ABCA12: variants seen among roughly 807,000 people sequenced by gnomAD.
The protein encoded by ABCA12 is ATP binding cassette subfamily A member 12.
Under a neutral mutation model 293.5 loss-of-function variants are expected in ABCA12, and 156 were observed. That is an observed-to-expected ratio of 0.53 (90% CI 0.47 to 0.61). The LOEUF is 0.61. ABCA12 is among the 20% of genes least tolerant of loss of function. The probability of loss-of-function intolerance (pLI) is 0.00; values close to 1 mark genes in which losing one functional copy is unlikely to be tolerated. For synonymous variants in ABCA12, 1,063 were observed against 1,108.0 expected, an observed-to-expected ratio of 0.96 and a Z score of 0.81; for missense variants, 2,797 against 3,090.2, an observed-to-expected ratio of 0.91 and a Z score of 2.25.
intron 36 of ABCA12, among the ~76,000 whole-genome samples, chr2:214,972,099 C>G (rs990995226): frequency 6.6e-6 from 1 of 151,970 alleles, no homozygotes; most frequent in African/African-American, 2.4e-5. Flanking sequence ...TTATCTTTTT[C>G]TCATTGATTT....
intron 22 of ABCA12, among the ~76,000 whole-genome samples, chr2:215,000,023 A>T (rs2105987964): frequency 6.6e-6 from 1 of 152,280 alleles, no homozygotes; most frequent in Non-Finnish European, 1.5e-5. Context: ...TGAAAACCAT[A>T]ATCTGCTTAT....
At chr2:215,089,197 A>C (rs2970949) in intron 2 of ABCA12, among the ~76,000 whole-genome samples, 12 of 149,516 alleles carry the variant, frequency 8.0e-5, no homozygotes, top group African/African-American at 2.7e-4. Flanking sequence ...GTTTTGCTTT[A>C]TTTTTTTTTC....
At position 215,036,676 on chromosome 2, in the gene ABCA12, AT is replaced by A. The variant is rs945164583; in HGVS notation, c.985+276del. On this transcript the variant is annotated intron_variant, in intron 8 of 52. Transcript: ENST00000272895. The stretch of plus-strand genomic sequence containing the variant: ...TCGATTTGTTGAGGCATAGTCCCTG[AT>A]TTTTTTTTTCTATACCAAGTATAAA... Among the ~76,000 whole-genome samples the A allele has an allele frequency of 1.8e-3, 277 of 150,692 alleles. 1 individual carries two copies. Among genetic ancestry groups the A allele is most frequent in the African/African-American group, 6.3e-3 (261 of 41,142 alleles).
In ABCA12 at chr2:215,031,846, A is replaced by G. The variant is rs1700884905; in HGVS notation, c.1036T>C (p.Leu346=). The part of the protein sequence containing the change: ...HVWNEDDGQT[L]SPSSLAAQLL... ...TGTGCAGCCAGACTGCTTGGAGATA[A>G]GGTCTGTCCATCATCCTCATTCCAC... is the stretch of plus-strand genomic sequence containing the variant. The change falls in exon 9 of 53, where the codon TTA becomes CTA. Residue 346 remains leucine, a synonymous_variant. Transcript: ENST00000272895. The G allele has an allele frequency of 1.2e-6, 2 of 1,613,994 alleles. No individual in the cohort carries two copies. The highest frequency in any genetic ancestry group is 1.3e-5 in the African/African-American group (1 of 75,056).
chr2:215,127,697 A>G (rs1702957528), intron 1 of ABCA12, among the ~76,000 whole-genome samples: 1 of 152,002 alleles, frequency 6.6e-6, no homozygotes, highest in Non-Finnish European at 1.5e-5. Context: ...TTTGTGCTAG[A>G]TGGGTCTCCT....
intron 1 of ABCA12, among the ~76,000 whole-genome samples, chr2:215,134,593 CTCTCTCTATA>C (rs1199620337): frequency 8.6e-5 from 7 of 81,502 alleles, no homozygotes; most frequent in African/African-American, 5.7e-4. Context: ...CTCTCTCTCT[CTCTCTCTATA>C]TATATATATA....
At chr2:215,045,223 T>C (rs34169076) in intron 7 of ABCA12, among the ~76,000 whole-genome samples, 1,750 of 152,290 alleles carry the variant, frequency 0.011, 29 homozygotes, top group African/African-American at 0.04. Context: ...AAACTCTAAA[T>C]ACTGGCCGTG....
intron 2 of ABCA12, among the ~76,000 whole-genome samples, chr2:215,078,913 A>G (rs140867930): frequency 1.2e-3 from 178 of 152,292 alleles, no homozygotes; most frequent in African/African-American, 4.2e-3. Context: ...GCAACAATAA[A>G]ATTAAATCCT....
At chr2:215,079,639 A>T (rs1410538629) in intron 2 of ABCA12, among the ~76,000 whole-genome samples, 1 of 152,108 alleles carries the variant, frequency 6.6e-6, no homozygotes, top group African/African-American at 2.4e-5. Context: ...GTTTTGTTTC[A>T]CTCAGGTCAA....
At position 215,134,616 on chromosome 2, in the gene ABCA12, TAGAGAGAG is replaced by T. The variant is rs1212910485; in HGVS notation, c.69+3516_69+3523del. Among the ~76,000 whole-genome samples, 98 of 80,644 alleles carry T rather than the reference TAGAGAGAG, an allele frequency of 1.2e-3. 7 individuals carry two copies. Among genetic ancestry groups the T allele is most frequent in the African/African-American group, 5.6e-3 (86 of 15,486 alleles). 52.9% of individuals were successfully genotyped at this position (80,644 alleles called of 152,430 possible). On this transcript the variant is annotated intron_variant, in intron 1 of 52. Coordinates refer to ENST00000272895, the MANE Select transcript of ABCA12 (RefSeq NM_173076.3). ...CTCTCTCTCTATATATATATATATATAGAGAGAGAGAGAGAGAGAGAGAGACAAACAGA... is the reference window on the plus strand; with the variant it reads ...CTCTCTCTCTATATATATATATATATAGAGAGAGAGAGAGAGACAAACAGA...
intron 3 of ABCA12, among the ~76,000 whole-genome samples, chr2:215,057,594 C>T (rs1176641087): frequency 1.2e-5 from 1 of 85,088 alleles, no homozygotes; most frequent in African/African-American, 6.2e-5. Context: ...GTTTATGTAA[C>T]TTTTATCTGT....
chr2:215,134,618 G>T (rs71428366), intron 1 of ABCA12, among the ~76,000 whole-genome samples: 16,584 of 71,364 alleles, frequency 0.23, 2,037 homozygotes, highest in East Asian at 0.33. Context: ...TATATATATA[G>T]AGAGAGAGAG....
chr2:215,104,206 T>C (rs2948974), intron 2 of ABCA12, among the ~76,000 whole-genome samples: 40,928 of 152,078 alleles, frequency 0.27, 9,866 homozygotes, highest in African/African-American at 0.65. Context: ...CAAGGTAGAC[T>C]ACACAATGTG....
intron 1 of ABCA12, among the ~76,000 whole-genome samples, chr2:215,136,007 C>G (rs73990506): frequency 0.026 from 3,968 of 152,176 alleles, 147 homozygotes; most frequent in African/African-American, 0.087. Flanking sequence ...TCTCTTGTCC[C>G]TCTGGTTGGT....
At chr2:215,012,249 T>C in intron 15 of ABCA12, 114 bp from the exon 16 acceptor site, 1 of 897,780 alleles carries the variant, frequency 1.1e-6, no homozygotes, top group East Asian at 2.5e-5. Flanking sequence ...TTGAAGTTTA[T>C]TAAATAGTTA....
intron 1 of ABCA12, among the ~76,000 whole-genome samples, chr2:215,130,264 AT>A (rs1703025724): frequency 6.6e-6 from 1 of 151,668 alleles, no homozygotes; most frequent in Admixed American, 6.6e-5. Context: ...GTGAAAAATG[AT>A]GTTACTAATT....
chr2:215,020,279 G>A (rs1238976969), intron 11 of ABCA12, among the ~76,000 whole-genome samples: 1 of 96,050 alleles, frequency 1.0e-5, no homozygotes, highest in Non-Finnish European at 2.0e-5. Flanking sequence ...GTGCACTGTT[G>A]GTGGGAATGT....
At chr2:214,956,448 A>G (rs1698950448) in intron 42 of ABCA12, among the ~76,000 whole-genome samples, 1 of 151,770 alleles carries the variant, frequency 6.6e-6, no homozygotes, top group Admixed American at 6.6e-5. Context: ...AATGCTTATT[A>G]ATTTTAGGTA....
intron 2 of ABCA12, among the ~76,000 whole-genome samples, chr2:215,081,340 T>C (rs1468884542): frequency 1.3e-5 from 2 of 151,478 alleles, no homozygotes; most frequent in Non-Finnish European, 2.9e-5. Context: ...TAGCAAGGCA[T>C]GGTGGTGCAC....
Sources: allele counts gnomAD v4.1 joint callset (sites outside exome capture counted in the v4.1 genomes callset), GRCh38; gene constraint gnomAD v4.1.1; transcripts MANE v1.5; gene names NCBI Gene and HGNC (gene_info 2026-07-23, HGNC 2026-07-21).